KMT2C: variants seen among roughly 807,000 people sequenced by gnomAD.
The protein encoded by KMT2C is histone-lysine N-methyltransferase 2C.
Under a neutral mutation model 507.9 loss-of-function variants are expected in KMT2C, and 88 were observed. The observed-to-expected ratio is 0.17, with a 90% confidence interval of 0.15 to 0.21. The LOEUF (loss-of-function observed/expected upper bound fraction) is 0.21, where lower values mean the gene tolerates loss of function less well. Among genes scored for constraint, KMT2C ranks in the 10% least tolerant of loss-of-function variants. The pLI is 1.00. For missense variants in KMT2C, 4,954 were observed against 5,957.8 expected, an observed-to-expected ratio of 0.83 and a Z score of 5.55; for synonymous variants, 2,049 against 2,080.8, an observed-to-expected ratio of 0.98 and a Z score of 0.42.
At position 152,324,971 on chromosome 7, in the gene KMT2C, C is replaced by T. The variant is rs1258930399; in HGVS notation, c.389+5630G>A. Among the ~76,000 whole-genome samples, 3 of 151,848 alleles carry T rather than the reference C, an allele frequency of 2.0e-5. No individual in the cohort carries two copies. The East Asian group carries it at 5.8e-4, about 29-fold the overall frequency. Reference sequence around the variant, plus strand: ...GCAAGTAATCAAGTAATGCTTACTGCCTTCTACAGAAGCTTCTTCTTATTG... The same window carrying T: ...GCAAGTAATCAAGTAATGCTTACTGTCTTCTACAGAAGCTTCTTCTTATTG... On this transcript the variant is annotated intron_variant, in intron 3 of 58. Coordinates refer to ENST00000262189, the MANE Select transcript of KMT2C (RefSeq NM_170606.3).
intron 3 of KMT2C, among the ~76,000 whole-genome samples, chr7:152,325,112 G>A (rs977747430): frequency 6.6e-6 from 1 of 151,674 alleles, no homozygotes; most frequent in Non-Finnish European, 1.5e-5. Context: ...TATTTTTCAT[G>A]AAAAGTTGTA....
intron 1 of KMT2C, among the ~76,000 whole-genome samples, chr7:152,363,070 T>C (rs17173407): frequency 3.3e-5 from 5 of 152,178 alleles, no homozygotes; most frequent in African/African-American, 4.8e-5. Context: ...GCAAAGATAA[T>C]GGTCATACTC....
chr7:152,430,727 G>C (rs1177769288), intron 1 of KMT2C, among the ~76,000 whole-genome samples: 1 of 152,088 alleles, frequency 6.6e-6, no homozygotes, highest in Non-Finnish European at 1.5e-5. Context: ...GCCTCACTTT[G>C]TTGCCCAGGC....
At chr7:152,413,287 G>A (rs76430674) in intron 1 of KMT2C, among the ~76,000 whole-genome samples, 10 of 151,784 alleles carry the variant, frequency 6.6e-5, no homozygotes, top group Non-Finnish European at 1.0e-4. Context: ...GATAATTTAC[G>A]TATTTTTTGT....
intron 1 of KMT2C, chr7:152,368,159 GT>G (rs2097262550): frequency 1.1e-6 from 1 of 918,750 alleles, no homozygotes; most frequent in South Asian, 1.3e-5. Flanking sequence ...TATCCTTGGG[GT>G]GCTGCTGAAG....
intron 7 of KMT2C, among the ~76,000 whole-genome samples, chr7:152,265,527 A>C (rs2095847138): frequency 6.6e-6 from 1 of 152,220 alleles, no homozygotes; most frequent in Non-Finnish European, 1.5e-5. Flanking sequence ...TTAATGCTCA[A>C]TATATGCTTA....
At chr7:152,353,984 G>A (rs1214403814) in intron 2 of KMT2C, among the ~76,000 whole-genome samples, 1 of 150,746 alleles carries the variant, frequency 6.6e-6, no homozygotes, top group Non-Finnish European at 1.5e-5. Context: ...TGGATTTGCA[G>A]GTTTAGTGGT....
intron 5 of KMT2C, 111 bp downstream of exon 5, chr7:152,311,687 T>G: frequency 6.5e-6 from 5 of 766,194 alleles, no homozygotes; most frequent in Non-Finnish European, 9.7e-6. Context: ...TATAGTATGA[T>G]TATAATTATT....
intron 23 of KMT2C, chr7:152,220,044 A>G (rs7806351): frequency 0.043 from 6,641 of 155,556 alleles, 506 homozygotes; most frequent in African/African-American, 0.15. Flanking sequence ...GAAAAACCTT[A>G]TATTTACTTT....
rs566253857 is a variant in KMT2C at position 152,204,660 on chromosome 7, T to G, written c.3961+446A>C. Among the ~76,000 whole-genome samples, 10 of 151,880 alleles carry G rather than the reference T, an allele frequency of 6.6e-5. No individual in the cohort carries two copies. The South Asian group carries it at 2.1e-3, about 32-fold the overall frequency. On this transcript the variant is annotated intron_variant, in intron 25 of 58. Transcript: ENST00000262189. Reference sequence around the variant, plus strand: ...ATAGACAGACAGATACATAAATAGATAAAAACTGAGGTGCACTGTCACTTG... The same window carrying G: ...ATAGACAGACAGATACATAAATAGAGAAAAACTGAGGTGCACTGTCACTTG...
chr7:152,187,552 A>G (rs1323402259), intron 32 of KMT2C, 76 bp from the exon 33 acceptor site: 2 of 1,439,286 alleles, frequency 1.4e-6, no homozygotes. Flanking sequence ...AGCTTTCATT[A>G]AAACCTATTA....
In KMT2C at chr7:152,226,535, T is replaced by C. The variant is rs1300830787; in HGVS notation, c.2977-1919A>G. ...GTGTGAGGCACCACACCCAGCCCATTACAAGGCTTTTAATGTCATTTGATT... is the reference window on the plus strand; with the variant it reads ...GTGTGAGGCACCACACCCAGCCCATCACAAGGCTTTTAATGTCATTTGATT... On this transcript the variant is annotated intron_variant, in intron 18 of 58. Coordinates refer to ENST00000262189, the MANE Select transcript of KMT2C (RefSeq NM_170606.3). Among the ~76,000 whole-genome samples the C allele has an allele frequency of 5.3e-5, 8 of 152,154 alleles. No homozygotes were observed. The East Asian group carries it at 9.6e-4, about 18-fold the overall frequency.
At chr7:152,174,339 TA>T in intron 38 of KMT2C, 97 bp from the exon 39 acceptor site, 1 of 624,888 alleles carries the variant, frequency 1.6e-6, no homozygotes, top group Admixed American at 3.3e-5. Flanking sequence ...TTTTATTATT[TA>T]ATAATCATTA....
rs779659766 is a variant in KMT2C, at chr7:152,177,903, G to A, written c.7550C>T (p.Ser2517Leu). The A allele has an allele frequency of 6.2e-7, 1 of 1,610,306 alleles. No individual in the cohort carries two copies. The highest frequency in any genetic ancestry group is 1.1e-5 in the South Asian group (1 of 90,962). Residue 2517 changes from serine (S) to leucine (L), a missense_variant, in exon 38 of 59, where the codon TCA becomes TTA. This residue lies in a region of KMT2C where 1,689 missense variants were observed against 1,654.3 expected (regional missense o/e 1.02). Transcript: ENST00000262189. Reference protein sequence around the residue: ...GSGVSPQLRRSVSVDMPRPLN... With the variant: ...GSGVSPQLRRLVSVDMPRPLN... The stretch of plus-strand genomic sequence containing the variant: ...AGGCCTAGGCATATCTACAGATACT[G>A]ATCTTCTTAGCTGTGGAGAAACTCC...
Position 152,181,916 on chromosome 7 carries a change from A to G in KMT2C, c.5944T>C (p.Leu1982=), listed in dbSNP as rs202120117. The change falls in exon 36 of 59, where the codon TTG becomes CTG. Residue 1982 remains leucine (L), a synonymous_variant. Coordinates refer to ENST00000262189, the MANE Select transcript of KMT2C (RefSeq NM_170606.3). Reference sequence around the variant, plus strand: ...ACTACAGGAGACCGGGATAGGCCCAAGGATTTGGGAAATTGATCTGTCATC... The same window carrying G: ...ACTACAGGAGACCGGGATAGGCCCAGGGATTTGGGAAATTGATCTGTCATC... The part of the protein sequence containing the change: ...PVMTDQFPKS[L]GLSRSPVVSE... 1 of 1,614,188 alleles carries G rather than the reference A, an allele frequency of 6.2e-7. No homozygotes were observed. Among genetic ancestry groups the G allele is most frequent in the Non-Finnish European group, 8.5e-7 (1 of 1,180,044 alleles).
At position 152,422,386 on chromosome 7, in the gene KMT2C, C is replaced by T. The variant is rs372922226; in HGVS notation, c.161+13240G>A. On this transcript the variant is annotated intron_variant, in intron 1 of 58. Coordinates refer to ENST00000262189, the MANE Select transcript of KMT2C (RefSeq NM_170606.3). The stretch of plus-strand genomic sequence containing the variant: ...ACGAGAATCGCTTGAACCCAGGAGG[C>T]GGAGGTTGCAGTGAGCCAAGATCGC... Among the ~76,000 whole-genome samples, 71 of 151,672 alleles carry T rather than the reference C, an allele frequency of 4.7e-4. 1 individual carries two copies. The highest frequency in any genetic ancestry group is 1.6e-3 in the African/African-American group (66 of 41,316).
At position 152,435,954 on chromosome 7, in the gene KMT2C, T is replaced by G; in HGVS notation, c.-168A>C. On this transcript the variant is annotated 5_prime_UTR_variant, in exon 1 of 59. It removes an upstream start codon present in the reference 5' UTR. Coordinates refer to ENST00000262189, the MANE Select transcript of KMT2C (RefSeq NM_170606.3). ...GCAGGTACCGGGAGAGGCGGCAACA[T>G]GGAGCGAGCAGGACACGCACTCACA... 3.4e-6 allele frequency: 2 copies of G among 591,744 alleles called. No individual in the cohort carries two copies. Among genetic ancestry groups the G allele is most frequent in the South Asian group, 3.0e-5 (1 of 33,896 alleles). 36.7% of individuals were successfully genotyped at this position (591,744 alleles called of 1,614,324 possible).
In KMT2C at chr7:152,162,440, C is replaced by T. The variant is rs2129103766; in HGVS notation, c.11137G>A (p.Ala3713Thr). 1.2e-6 allele frequency: 2 copies of T among 1,614,236 alleles called. No homozygotes were observed. Among genetic ancestry groups the T allele is most frequent in the African/African-American group, 2.7e-5 (2 of 75,058 alleles). ...TCCAGTTTTATCTCTTCTGTTTTGGCAGGGGTTTCCATGGAGAGCTTGTCT... is the reference window on the plus strand; with the variant it reads ...TCCAGTTTTATCTCTTCTGTTTTGGTAGGGGTTTCCATGGAGAGCTTGTCT... Reference protein sequence around the residue: ...EVDKLSMETPAKTEEIKLEKA... With the variant: ...EVDKLSMETPTKTEEIKLEKA... Residue 3713 changes from alanine (A) to threonine (T), a missense_variant, in exon 43 of 59, where the codon GCC becomes ACC. This residue lies in a region of KMT2C where 801 missense variants were observed against 751.2 expected (regional missense o/e 1.07). Coordinates refer to ENST00000262189, the MANE Select transcript of KMT2C (RefSeq NM_170606.3).
intron 24 of KMT2C, among the ~76,000 whole-genome samples, chr7:152,206,039 T>C (rs747796710): frequency 3.6e-4 from 55 of 152,206 alleles, no homozygotes; most frequent in Non-Finnish European, 3.5e-4. Context: ...AGTCAGACTA[T>C]GTAATTCTGC....
Sources: allele counts gnomAD v4.1 joint callset (sites outside exome capture counted in the v4.1 genomes callset), GRCh38; gene constraint gnomAD v4.1.1; regional missense constraint gnomAD v4.1.1; transcripts MANE v1.5; gene names NCBI Gene and HGNC (gene_info 2026-07-23, HGNC 2026-07-21).